The following DLC1 variants were observed in gnomAD, a reference collection of about 807,000 sequenced individuals.
DLC1 encodes the protein rho GTPase-activating protein 7.
A neutral mutation model predicts 140.3 loss-of-function variants in DLC1; 54 were observed. That is an observed-to-expected ratio of 0.38 (90% CI 0.31 to 0.48). The LOEUF is 0.48. DLC1 is among the 20% of genes least tolerant of loss of function. DLC1 has a pLI of 0.96. For synonymous variants in DLC1, 986 were observed against 728.1 expected (o/e 1.35, Z -5.70); for missense variants, 2,536 against 1,907.0 (o/e 1.33, Z -6.14).
At chr8:13,112,009 G>C (rs1291733908) in intron 6 of DLC1, among the ~76,000 whole-genome samples, 2 of 151,922 alleles carry the variant, frequency 1.3e-5, no homozygotes, top group Non-Finnish European at 2.9e-5. Context: ...AATTTTACTG[G>C]GCATGGTGGC....
intron 1 of DLC1, among the ~76,000 whole-genome samples, chr8:13,527,779 G>C (rs577941020): frequency 6.6e-6 from 1 of 152,172 alleles, no homozygotes; most frequent in South Asian, 2.1e-4. Context: ...TTGTCAAATA[G>C]GTATGAAACA....
At chr8:13,222,212 A>C (rs1250344742) in intron 5 of DLC1, among the ~76,000 whole-genome samples, 1 of 151,954 alleles carries the variant, frequency 6.6e-6, no homozygotes, top group African/African-American at 2.4e-5. Context: ...ATTTATGTAA[A>C]ATCATTTAAT....
Position 13,567,059 on chromosome 8 carries a change from A to G in DLC1, c.-126+37478T>C, listed in dbSNP as rs553896592. On this transcript the variant is annotated intron_variant, in intron 1 of 1. Coordinates refer to the DLC1 transcript ENST00000631382. Reference sequence around the variant, plus strand: ...CTTGCAAACCTTTCTGATGAGACTGAGACTTTGAAGAACTCTACTGATGAG... The same window carrying G: ...CTTGCAAACCTTTCTGATGAGACTGGGACTTTGAAGAACTCTACTGATGAG... 11 of 1,551,748 alleles carry G rather than the reference A, an allele frequency of 7.1e-6. No individual in the cohort carries two copies. The South Asian group carries it at 1.1e-4, about 15-fold the overall frequency.
At chr8:13,125,359 G>A (rs555983874) in intron 5 of DLC1, among the ~76,000 whole-genome samples, 7 of 152,260 alleles carry the variant, frequency 4.6e-5, no homozygotes, top group African/African-American at 1.4e-4. Context: ...AACCAATGAC[G>A]TTTGCTTCTG....
intron 4 of DLC1, among the ~76,000 whole-genome samples, chr8:13,368,034 G>C (rs1461535682): frequency 3.9e-5 from 6 of 152,182 alleles, no homozygotes; most frequent in African/African-American, 1.4e-4. Context: ...GTGAAGTTCT[G>C]TGTTTAAAGC....
At chr8:13,331,993 G>A (rs1482489077) in intron 4 of DLC1, among the ~76,000 whole-genome samples, 1 of 152,160 alleles carries the variant, frequency 6.6e-6, no homozygotes, top group African/African-American at 2.4e-5. Context: ...CTCAAACCAT[G>A]TTAGGTTGAT....
At chr8:13,552,069 A>G (rs891139286) in intron 1 of DLC1, among the ~76,000 whole-genome samples, 2 of 133,604 alleles carry the variant, frequency 1.5e-5, no homozygotes, top group East Asian at 4.4e-4. Context: ...ATATATATAT[A>G]CCTCTTTCTC....
intron 2 of DLC1, among the ~76,000 whole-genome samples, chr8:13,470,914 T>C (rs1800175597): frequency 6.6e-6 from 1 of 152,144 alleles, no homozygotes; most frequent in African/African-American, 2.4e-5. Context: ...TAACTTGATA[T>C]ACATACACAC....
chr8:13,441,415 A>T (rs780411897), intron 2 of DLC1, among the ~76,000 whole-genome samples: 3 of 152,240 alleles, frequency 2.0e-5, no homozygotes, highest in Non-Finnish European at 4.4e-5. Flanking sequence ...GAGGAAGTCA[A>T]ACTGTCCCTG....
In DLC1 at chr8:13,440,867, C is replaced by A. The variant is rs765948048; in HGVS notation, c.1024-39248G>T. The stretch of plus-strand genomic sequence containing the variant: ...TTGCTTCCCGCCGTGATTCTGAGGC[C>A]TCTCCAGCCATGTGGAACTGTAAAT... On this transcript the variant is annotated intron_variant, in intron 2 of 17. Transcript: ENST00000276297. Among the ~76,000 whole-genome samples the A allele has an allele frequency of 4.8e-4, 73 of 152,160 alleles. 1 individual carries two copies. The highest frequency in any genetic ancestry group is 2.1e-4 in the Non-Finnish European group (14 of 68,032).
At chr8:13,451,882 A>G (rs892811540) in intron 2 of DLC1, among the ~76,000 whole-genome samples, 8 of 152,132 alleles carry the variant, frequency 5.3e-5, no homozygotes, top group African/African-American at 1.9e-4. Context: ...GAGGGTATAT[A>G]CCCAGCAGTA....
intron 2 of DLC1, among the ~76,000 whole-genome samples, chr8:13,452,044 T>C (rs1799087437): frequency 6.6e-6 from 1 of 152,134 alleles, no homozygotes. Flanking sequence ...TGCCATTAAG[T>C]CTGGCTTGTT....
At chr8:13,094,685 T>C in intron 12 of DLC1, 74 bp downstream of exon 12, 2 of 1,561,730 alleles carry the variant, frequency 1.3e-6, no homozygotes, top group Non-Finnish European at 1.8e-6. Context: ...AAGAATGCTA[T>C]CAAGGAAGCT....
At chr8:13,411,632 A>G (rs1039254775) in intron 2 of DLC1, among the ~76,000 whole-genome samples, 3 of 152,198 alleles carry the variant, frequency 2.0e-5, no homozygotes, top group Non-Finnish European at 4.4e-5. Flanking sequence ...CTATTGGCAG[A>G]GGGCATATAA....
chr8:13,230,426 G>C (rs547219337), intron 5 of DLC1, among the ~76,000 whole-genome samples: 2 of 152,186 alleles, frequency 1.3e-5, no homozygotes, highest in South Asian at 4.1e-4. Flanking sequence ...AATTTAAAAA[G>C]CAAACGATAA....
intron 5 of DLC1, among the ~76,000 whole-genome samples, chr8:13,275,129 C>G (rs1001569896): frequency 6.6e-6 from 1 of 152,172 alleles, no homozygotes; most frequent in Non-Finnish European, 1.5e-5. Context: ...TCCGTCAGTC[C>G]TGGGGAATAT....
chr8:13,514,685 C>T lies in DLC1; in HGVS notation c.-209G>A. On this transcript the variant is annotated 5_prime_UTR_variant, in exon 1 of 18. An upstream open reading frame in the 5' UTR gains an earlier in-frame stop. Coordinates refer to ENST00000276297, the MANE Select transcript of DLC1 (RefSeq NM_182643.3). Reference sequence around the variant, plus strand: ...AAGAAGTCCGTCCCCGTTAGTTTCTCCAAAATCTAAGTTCCCATTTCGTGG... The same window carrying T: ...AAGAAGTCCGTCCCCGTTAGTTTCTTCAAAATCTAAGTTCCCATTTCGTGG... 1 of 398,584 alleles carries T rather than the reference C, an allele frequency of 2.5e-6. No homozygotes were observed. The highest frequency in any genetic ancestry group is 4.4e-6 in the Non-Finnish European group (1 of 226,060). 24.7% of individuals were successfully genotyped at this position (398,584 alleles called of 1,614,324 possible).
intron 5 of DLC1, among the ~76,000 whole-genome samples, chr8:13,245,030 A>C (rs939564472): frequency 1.3e-5 from 2 of 152,208 alleles, no homozygotes; most frequent in African/African-American, 4.8e-5. Flanking sequence ...ATGTTAAGGC[A>C]GGAGTATCAC....
intron 5 of DLC1, among the ~76,000 whole-genome samples, chr8:13,217,616 T>G (rs932637519): frequency 1.3e-5 from 2 of 151,908 alleles, no homozygotes; most frequent in African/African-American, 4.8e-5. Context: ...GGGCGGATTA[T>G]GAGGTCAGGA....
Sources: allele counts gnomAD v4.1 joint callset (sites outside exome capture counted in the v4.1 genomes callset), GRCh38; gene constraint gnomAD v4.1.1; transcripts MANE v1.5; gene names NCBI Gene and HGNC (gene_info 2026-07-23, HGNC 2026-07-21).